Variants in DFFA observed in about 807,000 individuals in gnomAD.
DFFA encodes the protein DFF45.
In DFFA, 14 loss-of-function variants were observed where a neutral mutation model predicts 28.0. The observed-to-expected ratio is 0.50, with a 90% CI of 0.33 to 0.78. The LOEUF is 0.78. Among genes scored for constraint, DFFA ranks in the 30% least tolerant of loss-of-function variants. DFFA has a pLI of 0.02. For synonymous variants in DFFA, 158 were observed against 170.3 expected, an observed-to-expected ratio of 0.93 and a Z score of 0.56; for missense variants, 395 against 407.1, an observed-to-expected ratio of 0.97 and a Z score of 0.26.
rs1477605116 is a variant in DFFA at position 10,463,117 on chromosome 1, G to C, written c.724C>G (p.Leu242Val). ...GCCTGCTTCTCCCTCAGTGCAGTAA[G>C]GATGTGGCTCGCCAGCGCAACGTCC... ...SSDVALASHI[L>V]TALREKQAPE... The change falls in exon 5 of 6, where the codon CTT becomes GTT. Residue 242 changes from leucine (L) to valine (V), a missense_variant. Physicochemically the swap from Leu to Val is conservative, Grantham distance 32. Transcript: ENST00000377038. 1 of 1,614,134 alleles carries C rather than the reference G, an allele frequency of 6.2e-7. No individual in the cohort carries two copies. The highest frequency in any genetic ancestry group is 1.7e-5 in the Admixed American group (1 of 60,008).
chr1:10,463,811 T>C (rs1232568378), intron 3 of DFFA, among the ~76,000 whole-genome samples, 191 bp from the exon 4 acceptor site: 3 of 151,464 alleles, frequency 2.0e-5, no homozygotes, highest in Non-Finnish European at 2.9e-5. Context: ...ATTACAGGCA[T>C]GTGCTACCAA....
intron 5 of DFFA, 32 bp downstream of exon 5, chr1:10,463,026 T>A (rs1210065449): frequency 6.2e-7 from 1 of 1,613,824 alleles, no homozygotes; most frequent in South Asian, 1.1e-5. Context: ...CATGTCCTCC[T>A]CTGTAGCTCA....
Position 10,472,514 on chromosome 1 carries a change from GGTCCTTCTACTC to G in DFFA, c.-68_-57del. On this transcript the variant is annotated 5_prime_UTR_variant, in exon 1 of 6. Coordinates refer to ENST00000377038, the MANE Select transcript of DFFA (RefSeq NM_004401.3). The surrounding 1 kb of genome is among the most constrained non-coding windows in gnomAD (Gnocchi z 5.0). ...AGAAGTCGCGGGAGGCCGGAGCGGC[GGTCCTTCTACTC>G]GACCCCCTTCCGCAGCCTGCCGGGA... 1 of 1,539,082 alleles carries G rather than the reference GGTCCTTCTACTC, an allele frequency of 6.5e-7. No individual in the cohort carries two copies. Among genetic ancestry groups the G allele is most frequent in the Non-Finnish European group, 8.8e-7 (1 of 1,135,148 alleles).
At chr1:10,467,890 A>G (rs1049727526) in intron 2 of DFFA, among the ~76,000 whole-genome samples, 1 of 152,168 alleles carries the variant, frequency 6.6e-6, no homozygotes, top group Admixed American at 6.6e-5. Flanking sequence ...GTGTGGTCAC[A>G]CCTACAAGGA....
chr1:10,466,952 C>CAAAAAAAAAAAAAA (rs34597195), intron 3 of DFFA, among the ~76,000 whole-genome samples: 5 of 32,736 alleles, frequency 1.5e-4, no homozygotes, highest in African/African-American at 4.0e-4. Flanking sequence ...GACTGTGTCT[C>CAAAAAAAAAAAAAA]AAAAAAAAAA....
chr1:10,464,508 A>C (rs1301534214), intron 3 of DFFA, among the ~76,000 whole-genome samples: 1 of 152,152 alleles, frequency 6.6e-6, no homozygotes, highest in Non-Finnish European at 1.5e-5. Context: ...TGAGCTCAGG[A>C]GTTTAAGACC....
chr1:10,466,444 C>A (rs1482589897), intron 3 of DFFA, among the ~76,000 whole-genome samples: 5 of 151,870 alleles, frequency 3.3e-5, no homozygotes, highest in Non-Finnish European at 7.4e-5. Flanking sequence ...CCGCCTCGGC[C>A]TCCCAAAGTG....
chr1:10,463,755 C>T (rs1640984497), intron 3 of DFFA, 135 bp from the exon 4 acceptor site: 2 of 853,088 alleles, frequency 2.3e-6, no homozygotes, highest in Non-Finnish European at 3.4e-6. Context: ...ACCTCCGCCT[C>T]CTGGGTTCAA....
rs1456964415 is a variant in DFFA, at chr1:10,460,422, T to C, written c.*1068A>G. 6.6e-6 allele frequency: 1 copy of C among 150,690 alleles called. No individual in the cohort carries two copies. The highest frequency in any genetic ancestry group is 2.0e-4 in the East Asian group (1 of 5,020). The allele number at this position is 150,690 out of a possible 1,614,324, so 9.3% of individuals were successfully genotyped here. On this transcript the variant is annotated 3_prime_UTR_variant, in exon 6 of 6. Transcript: ENST00000377038. ...TTTTGTATTTTTAGTAGAGACGGGG[T>C]TTCACCATATTGGCCAGGTTGGTCT...
At chr1:10,462,740 C>T (rs2124339710) in intron 5 of DFFA, 1 of 1,188,060 alleles carries the variant, frequency 8.4e-7, no homozygotes, top group Non-Finnish European at 1.1e-6. Flanking sequence ...TAGATCTTCT[C>T]TGACCATGGA....
chr1:10,462,748 G>T, intron 5 of DFFA: 1 of 1,206,488 alleles, frequency 8.3e-7, no homozygotes, highest in Non-Finnish European at 1.0e-6. Flanking sequence ...CTCTGACCAT[G>T]GAAAGACCCA....
chr1:10,461,687 C>A lies in DFFA; in HGVS notation c.799G>T (p.Asp267Tyr). 6.2e-7 allele frequency: 1 copy of A among 1,614,198 alleles called. No homozygotes were observed. Among genetic ancestry groups the A allele is most frequent in the Non-Finnish European group, 8.5e-7 (1 of 1,180,014 alleles). ...SQDLELVTKE[D>Y]PKALAVALNW... ...AAGGCAACAGCCAGTGCTTTGGGGT[C>A]TTCCTTGGTAACCAACTGCAGCAAG... The change falls in exon 6 of 6, where the codon GAC becomes TAC. Residue 267 changes from aspartate to tyrosine, a missense_variant. Physicochemically the swap from Asp to Tyr is radical, Grantham distance 160. Transcript: ENST00000377038.
chr1:10,457,680 A>T lies in DFFA; in HGVS notation c.*3810T>A, dbSNP rs971745214. The stretch of plus-strand genomic sequence containing the variant: ...GCAACAGAGCAAAGCCTCAAACAAA[A>T]CGAAAACGAAACAAAACAAATATAG... On this transcript the variant is annotated 3_prime_UTR_variant, in exon 6 of 6. Coordinates refer to ENST00000377038, the MANE Select transcript of DFFA (RefSeq NM_004401.3). 2 of 152,218 alleles carry T rather than the reference A, an allele frequency of 1.3e-5. No individual in the cohort carries two copies. The highest frequency in any genetic ancestry group is 1.9e-4 in the East Asian group (1 of 5,170). The allele number at this position is 152,218 out of a possible 1,614,324, so 9.4% of individuals were successfully genotyped here. A position where few individuals can be genotyped will look rare whatever the true frequency, so the allele number is the denominator to read the frequency against.
intron 3 of DFFA, among the ~76,000 whole-genome samples, chr1:10,466,815 TG>T (rs1641029265): frequency 6.6e-6 from 1 of 151,648 alleles, no homozygotes; most frequent in South Asian, 2.1e-4. Context: ...TAGCCAGGCG[TG>T]TTGGTGTGCA....
chr1:10,463,259 C>G (rs1557793285), intron 4 of DFFA, 50 bp from the exon 5 acceptor site: 1 of 1,595,344 alleles, frequency 6.3e-7, no homozygotes, highest in East Asian at 2.3e-5. Flanking sequence ...ACCACACAGC[C>G]ACATGAACAA....
At chr1:10,465,838 C>T (rs926210439) in intron 3 of DFFA, among the ~76,000 whole-genome samples, 1 of 151,976 alleles carries the variant, frequency 6.6e-6, no homozygotes, top group African/African-American at 2.4e-5. Context: ...ACTACAGGCA[C>T]ACGCCACCAC....
At chr1:10,471,180 C>CAT (rs1641094104) in intron 1 of DFFA, among the ~76,000 whole-genome samples, 1 of 151,872 alleles carries the variant, frequency 6.6e-6, no homozygotes, top group Non-Finnish European at 1.5e-5. Context: ...AGTAGCTTTT[C>CAT]ATATCATTAT....
chr1:10,463,961 G>A (rs1332665268), intron 3 of DFFA, among the ~76,000 whole-genome samples: 3 of 151,822 alleles, frequency 2.0e-5, no homozygotes, highest in Non-Finnish European at 4.4e-5. Context: ...TACTGCGCCC[G>A]GCCTACAAGG....
intron 5 of DFFA, 26 bp from the exon 6 acceptor site, chr1:10,461,728 G>T (rs769258208): frequency 9.3e-6 from 15 of 1,611,922 alleles, no homozygotes; most frequent in Non-Finnish European, 1.3e-5. Context: ...AAACCCCTGA[G>T]AACTGGGCCT....
Sources: gnomAD v4.1 joint callset for allele counts (sites outside exome capture counted in the v4.1 genomes callset) on GRCh38, gnomAD v4.1.1 for gene constraint, Gnocchi (gnomAD v3.1) non-coding constraint, MANE v1.5 for transcripts, NCBI Gene and HGNC (gene_info 2026-07-23, HGNC 2026-07-21) for gene names.